TRHDE: variants seen among roughly 807,000 people sequenced by gnomAD.
TRHDE encodes the protein thyrotropin releasing hormone degrading enzyme.
In TRHDE, 72 loss-of-function variants were observed where a neutral mutation model predicts 125.7. The ratio of observed to expected loss-of-function variants is 0.57; its 90% CI spans 0.47 to 0.70. TRHDE has a LOEUF of 0.70. TRHDE is among the 30% of genes least tolerant of loss of function. The probability of loss-of-function intolerance (pLI) is 0.00; values close to 1 mark genes in which losing one functional copy is unlikely to be tolerated. For synonymous variants in TRHDE, 509 were observed against 509.1 expected, an observed-to-expected ratio of 1.00 and a Z score of 0.00; for missense variants, 1,110 against 1,327.1, an observed-to-expected ratio of 0.84 and a Z score of 2.54.
At chr12:72,405,710 A>T (rs2135807867) in intron 3 of TRHDE, among the ~76,000 whole-genome samples, 1 of 152,310 alleles carries the variant, frequency 6.6e-6, no homozygotes, top group African/African-American at 2.4e-5. Context: ...GCCTTTTTTG[A>T]TATTTCCGAA....
intron 2 of TRHDE, among the ~76,000 whole-genome samples, chr12:72,193,321 T>C (rs1487535591): frequency 6.6e-6 from 1 of 152,046 alleles, no homozygotes; most frequent in Non-Finnish European, 1.5e-5. Context: ...TGCAGTTGTT[T>C]GCATCTGTAG....
At chr12:72,235,121 A>G (rs1013763798) in intron 2 of TRHDE, among the ~76,000 whole-genome samples, 7 of 152,148 alleles carry the variant, frequency 4.6e-5, no homozygotes, top group Non-Finnish European at 1.0e-4. Context: ...ATGTAACACG[A>G]ACTCTTGATG....
chr12:72,350,735 G>T (rs1283143102), intron 2 of TRHDE, among the ~76,000 whole-genome samples: 1 of 152,014 alleles, frequency 6.6e-6, no homozygotes, highest in East Asian at 1.9e-4. Flanking sequence ...TTAAGACTGG[G>T]TGTGTTTTCA....
chr12:72,366,210 G>A (rs758873885), intron 2 of TRHDE, among the ~76,000 whole-genome samples: 1 of 152,054 alleles, frequency 6.6e-6, no homozygotes, highest in South Asian at 2.1e-4. Flanking sequence ...GCAACATTAA[G>A]ATGTAGCTAT....
intron 3 of TRHDE, among the ~76,000 whole-genome samples, chr12:72,452,087 C>T (rs1421106592): frequency 6.6e-6 from 1 of 152,164 alleles, no homozygotes; most frequent in Non-Finnish European, 1.5e-5. Flanking sequence ...CATTGGCCTC[C>T]CAAAGTGCTG....
At chr12:72,432,372 T>C (rs1235776861) in intron 3 of TRHDE, among the ~76,000 whole-genome samples, 1 of 152,170 alleles carries the variant, frequency 6.6e-6, no homozygotes, top group Non-Finnish European at 1.5e-5. Context: ...ACATTTATTG[T>C]TCCCCTTTCA....
At chr12:72,433,766 G>A (rs1222858271) in intron 3 of TRHDE, among the ~76,000 whole-genome samples, 1 of 147,670 alleles carries the variant, frequency 6.8e-6, no homozygotes, top group African/African-American at 2.5e-5. Flanking sequence ...TTTTTCTTGA[G>A]ACATACAGAG....
At chr12:72,597,941 A>T (rs1297138091) in intron 12 of TRHDE, among the ~76,000 whole-genome samples, 1 of 151,428 alleles carries the variant, frequency 6.6e-6, no homozygotes, top group Non-Finnish European at 1.5e-5. Context: ...AACTGTTGCA[A>T]TCCTTTTTTT....
At chr12:72,207,286 G>GT (rs972189007) in intron 2 of TRHDE, among the ~76,000 whole-genome samples, 8 of 152,234 alleles carry the variant, frequency 5.3e-5, no homozygotes, top group African/African-American at 1.9e-4. Flanking sequence ...TGCTTATTCT[G>GT]TTTTTTATCC....
In TRHDE at chr12:72,362,574, C is replaced by T. The variant is rs1337733271; in HGVS notation, c.1189-15421C>T. 3.1e-3 allele frequency among the ~76,000 whole-genome samples: 466 copies of T among 150,632 alleles called. 2 individuals are homozygous for T. The highest frequency in any genetic ancestry group is 0.011 in the African/African-American group (446 of 41,296). On this transcript the variant is annotated intron_variant, in intron 2 of 18. Coordinates refer to ENST00000261180, the MANE Select transcript of TRHDE (RefSeq NM_013381.3). ...CAGAAGCTCTTTAGTTTAATTAGAT[C>T]CCATTTGTCAATTTTGGCTTTTGTT...
At chr12:72,324,704 C>T (rs537287837) in intron 2 of TRHDE, among the ~76,000 whole-genome samples, 6 of 152,104 alleles carry the variant, frequency 3.9e-5, no homozygotes, top group South Asian at 4.2e-4. Context: ...ACTGCATAAA[C>T]GAAAATTTAT....
intron 2 of TRHDE, among the ~76,000 whole-genome samples, chr12:72,124,997 AT>A (rs1875680254): frequency 6.6e-6 from 1 of 152,176 alleles, no homozygotes; most frequent in African/African-American, 2.4e-5. Context: ...TTGAGTCATT[AT>A]TGTATTCCTA....
chr12:72,128,943 G>T (rs990020129), intron 2 of TRHDE, among the ~76,000 whole-genome samples: 1 of 152,056 alleles, frequency 6.6e-6, no homozygotes, highest in Non-Finnish European at 1.5e-5. Context: ...TTCAAAGAAC[G>T]CTAGTGAAAG....
chr12:72,426,629 A>G (rs1874195044), intron 3 of TRHDE, among the ~76,000 whole-genome samples: 1 of 152,082 alleles, frequency 6.6e-6, no homozygotes, highest in South Asian at 2.1e-4. Context: ...TGGTAGAGAC[A>G]GGACAAGTTC....
In TRHDE at chr12:72,272,500, C is replaced by G; in HGVS notation, c.-144C>G. The G allele has an allele frequency of 1.8e-6, 1 of 549,186 alleles. No individual in the cohort carries two copies. The highest frequency in any genetic ancestry group is 2.4e-5 in the South Asian group (1 of 42,260). The allele number at this position is 549,186 out of a possible 1,614,324, so 34.0% of individuals were successfully genotyped here. ...AGCTGCCGTCGCTTGTGTCCAGAAC[C>G]CGTCTTAAAAGAACCCGGGCCAGCA... On this transcript the variant is annotated 5_prime_UTR_variant, in exon 1 of 19. Coordinates refer to ENST00000261180, the MANE Select transcript of TRHDE (RefSeq NM_013381.3). The surrounding 1 kb of genome is among the most constrained non-coding windows in gnomAD (Gnocchi z 6.7).
rs1171718556 is a variant in TRHDE, at chr12:72,666,708, A to T, written c.*3513A>T. On this transcript the variant is annotated 3_prime_UTR_variant, in exon 19 of 19. Transcript: ENST00000261180. ...GAGATTTTCCAAATACTAGACCAGC[A>T]TCAAAATACACAGTTAAATATATTT... The T allele has an allele frequency of 6.6e-6, 1 of 152,122 alleles. No individual in the cohort carries two copies. The highest frequency in any genetic ancestry group is 1.5e-5 in the Non-Finnish European group (1 of 68,020). The allele number at this position is 152,122 out of a possible 1,614,324, so 9.4% of individuals were successfully genotyped here. A position where few individuals can be genotyped will look rare whatever the true frequency, so the allele number is the denominator to read the frequency against.
intron 5 of TRHDE, among the ~76,000 whole-genome samples, chr12:72,483,132 C>T (rs190620387): frequency 1.3e-5 from 2 of 151,830 alleles, no homozygotes; most frequent in Admixed American, 1.3e-4. Context: ...ATGCCTCCTC[C>T]CTTTTTTTTT....
rs868346862 is a variant in TRHDE, at chr12:72,591,388, C to A, written c.2321+15846C>A. Among the ~76,000 whole-genome samples the A allele has an allele frequency of 4.6e-5, 7 of 152,160 alleles. No homozygotes were observed. The South Asian group carries it at 1.2e-3, about 27-fold the overall frequency. On this transcript the variant is annotated intron_variant, in intron 12 of 18. Coordinates refer to ENST00000261180, the MANE Select transcript of TRHDE (RefSeq NM_013381.3). ...ATTTTATGGTTAACAATTTACCCCA[C>A]CAAATAAAATATAGAAATCCTCCAA...
intron 2 of TRHDE, among the ~76,000 whole-genome samples, chr12:72,237,785 G>A (rs978010127): frequency 6.6e-6 from 1 of 152,144 alleles, no homozygotes; most frequent in Non-Finnish European, 1.5e-5. Context: ...GTCTCAGGTA[G>A]TAACTCTATA....
Sources: allele counts gnomAD v4.1 joint callset (sites outside exome capture counted in the v4.1 genomes callset), GRCh38; gene constraint gnomAD v4.1.1; non-coding constraint Gnocchi (gnomAD v3.1); transcripts MANE v1.5; gene names NCBI Gene and HGNC (gene_info 2026-07-23, HGNC 2026-07-21).